CFAP61: variants seen among roughly 807,000 people sequenced by gnomAD.
The protein encoded by CFAP61 is cilia and flagella associated protein 61.
A neutral mutation model predicts 135.6 loss-of-function variants in CFAP61; 107 were observed. The observed-to-expected ratio is 0.79, with a 90% CI of 0.67 to 0.93. The LOEUF (loss-of-function observed/expected upper bound fraction) is 0.93, where lower values mean the gene tolerates loss of function less well. Among genes scored for constraint, CFAP61 ranks in the 40% least tolerant of loss-of-function variants. The pLI is 0.00. For missense variants in CFAP61, 1,507 were observed against 1,556.2 expected (o/e 0.97, Z 0.53); for synonymous variants, 575 against 578.5 (o/e 0.99, Z 0.09).
chr20:20,307,853 A>T (rs2424344), intron 25 of CFAP61, among the ~76,000 whole-genome samples: 3 of 151,652 alleles, frequency 2.0e-5, no homozygotes, highest in African/African-American at 4.8e-5. Flanking sequence ...TAGAAAAGGG[A>T]TGGATCAGAT....
chr20:20,159,089 A>G (rs1304623736), intron 9 of CFAP61, among the ~76,000 whole-genome samples: 1 of 152,260 alleles, frequency 6.6e-6, no homozygotes, highest in Non-Finnish European at 1.5e-5. Context: ...TGGAGTAATA[A>G]CTAACATCTC....
intron 7 of CFAP61, among the ~76,000 whole-genome samples, chr20:20,096,538 A>G (rs2047585059): frequency 6.6e-6 from 1 of 152,396 alleles, no homozygotes; most frequent in East Asian, 1.9e-4. Flanking sequence ...TATCATACAC[A>G]TGCAGCTCGC....
rs1601713003 is a variant in CFAP61, at chr20:20,265,620, T to C, written c.2503+2490T>C. 4 of 691,318 alleles carry C rather than the reference T, an allele frequency of 5.8e-6. No individual in the cohort carries two copies. In the Admixed American group the frequency reaches 8.4e-5, roughly 15 times the overall value. The allele number at this position is 691,318 out of a possible 1,614,324, so 42.8% of individuals were successfully genotyped here. A position where few individuals can be genotyped will look rare whatever the true frequency, so the allele number is the denominator to read the frequency against. On this transcript the variant is annotated intron_variant, in intron 21 of 26. Transcript: ENST00000245957. ...GTGGAAATTAGTTTCCTGTCTTACA[T>C]GTAGGTGATTTTCTCCAGGTCTGGT...
At chr20:20,148,234 G>A (rs985294724) in intron 9 of CFAP61, among the ~76,000 whole-genome samples, 2 of 152,148 alleles carry the variant, frequency 1.3e-5, no homozygotes, top group African/African-American at 4.8e-5. Context: ...TGGCTATGCA[G>A]GCTCTTTTAT....
Position 20,308,955 on chromosome 20 carries a change from G to A in CFAP61, c.3422+10569G>A, listed in dbSNP as rs559156911. Among the ~76,000 whole-genome samples, 28 of 152,208 alleles carry A rather than the reference G, an allele frequency of 1.8e-4. No homozygotes were observed. In the East Asian group the frequency reaches 3.5e-3, roughly 19 times the overall value. ...GCTTTAATATAAATACCTCTTTGCCGAACTCCAAGAAACAACGGAGTTGTT... is the reference window on the plus strand; with the variant it reads ...GCTTTAATATAAATACCTCTTTGCCAAACTCCAAGAAACAACGGAGTTGTT... On this transcript the variant is annotated intron_variant, in intron 25 of 26. Transcript: ENST00000245957.
intron 17 of CFAP61, among the ~76,000 whole-genome samples, chr20:20,218,831 T>A (rs1403742959): frequency 6.6e-6 from 1 of 152,238 alleles, no homozygotes; most frequent in Non-Finnish European, 1.5e-5. Flanking sequence ...GTGGTAGAAT[T>A]TCAGACATCA....
chr20:20,191,159 G>A (rs1601301219), intron 14 of CFAP61, among the ~76,000 whole-genome samples, 183 bp from the exon 15 acceptor site: 1 of 152,046 alleles, frequency 6.6e-6, no homozygotes, highest in South Asian at 2.1e-4. Flanking sequence ...TATCTCATAG[G>A]GTTGGTGTGA....
chr20:20,060,862 C>T (rs2044746760), intron 2 of CFAP61, among the ~76,000 whole-genome samples: 1 of 152,226 alleles, frequency 6.6e-6, no homozygotes, highest in Non-Finnish European at 1.5e-5. Context: ...CTTCATTTGA[C>T]AGCCTCTGCT....
chr20:20,251,895 A>T lies in CFAP61; in HGVS notation c.2328+132A>T, dbSNP rs185484904. The T allele has an allele frequency of 2.4e-3, 2,302 of 948,210 alleles. 5 individuals carry two copies. Among genetic ancestry groups the T allele is most frequent in the Non-Finnish European group, 3.4e-3 (2,138 of 637,708 alleles). The allele number at this position is 948,210 out of a possible 1,614,324, so 58.7% of individuals were successfully genotyped here. A position where few individuals can be genotyped will look rare whatever the true frequency, so the allele number is the denominator to read the frequency against. ...CCTGGACAGCTGCTGCTCTAAATTC[A>T]TAAAAGCACCCTTCAGGGCCCGCAC... On this transcript the variant is annotated intron_variant, in intron 20 of 26. Coordinates refer to ENST00000245957, the MANE Select transcript of CFAP61 (RefSeq NM_015585.4).
At chr20:20,117,290 G>C (rs942642825) in intron 8 of CFAP61, among the ~76,000 whole-genome samples, 9 of 152,254 alleles carry the variant, frequency 5.9e-5, no homozygotes, top group Admixed American at 5.2e-4. Flanking sequence ...ATTGCAGTGA[G>C]TTGAGATCGT....
chr20:20,101,855 G>A (rs530688029), intron 8 of CFAP61, among the ~76,000 whole-genome samples: 4 of 152,070 alleles, frequency 2.6e-5, no homozygotes, highest in East Asian at 1.9e-4. Flanking sequence ...CTTGAACTCC[G>A]GGCCTCAGGT....
intron 17 of CFAP61, among the ~76,000 whole-genome samples, chr20:20,226,559 G>A (rs1403607233): frequency 6.6e-6 from 1 of 152,194 alleles, no homozygotes. Context: ...AGGTAGTATG[G>A]GTTTCGGGTA....
chr20:20,115,512 C>A (rs182223318), intron 8 of CFAP61, among the ~76,000 whole-genome samples: 1 of 151,956 alleles, frequency 6.6e-6, no homozygotes, highest in Non-Finnish European at 1.5e-5. Flanking sequence ...CCCTATTGAG[C>A]TATCAAACAC....
intron 25 of CFAP61, among the ~76,000 whole-genome samples, chr20:20,336,647 G>T (rs897288424): frequency 1.3e-5 from 2 of 151,676 alleles, no homozygotes; most frequent in Admixed American, 1.3e-4. Flanking sequence ...AAAATTTTAA[G>T]AAAATTTGGA....
chr20:20,069,154 G>A (rs1382723606), intron 2 of CFAP61, among the ~76,000 whole-genome samples: 1 of 152,178 alleles, frequency 6.6e-6, no homozygotes, highest in Non-Finnish European at 1.5e-5. Flanking sequence ...AAAAAGTACA[G>A]GAAGCGCATG....
At chr20:20,234,305 C>T (rs1473334453) in intron 18 of CFAP61, among the ~76,000 whole-genome samples, 1 of 152,172 alleles carries the variant, frequency 6.6e-6, no homozygotes, top group Non-Finnish European at 1.5e-5. Context: ...GCAGGTGGGT[C>T]AGGGTGAGGT....
At chr20:20,166,332 G>A (rs990716455) in intron 11 of CFAP61, 65 bp from the exon 12 acceptor site, 2 of 1,368,584 alleles carry the variant, frequency 1.5e-6, no homozygotes, top group Non-Finnish European at 2.1e-6. Flanking sequence ...GTAAATCTCT[G>A]TAAACGTCCA....
chr20:20,228,132 A>T, intron 17 of CFAP61, 117 bp from the exon 18 acceptor site: 1 of 772,054 alleles, frequency 1.3e-6, no homozygotes, highest in Non-Finnish European at 2.0e-6. Context: ...GGGCACTATT[A>T]GGTTTGTTTT....
intron 25 of CFAP61, among the ~76,000 whole-genome samples, chr20:20,329,544 C>T (rs1268942517): frequency 1.3e-5 from 2 of 152,214 alleles, no homozygotes; most frequent in Non-Finnish European, 2.9e-5. Flanking sequence ...CCAGTGTAGC[C>T]TCAACATGGC....
Sources: gnomAD v4.1 joint callset for allele counts (sites outside exome capture counted in the v4.1 genomes callset) on GRCh38, gnomAD v4.1.1 for gene constraint, MANE v1.5 for transcripts, NCBI Gene and HGNC (gene_info 2026-07-23, HGNC 2026-07-21) for gene names.